ANXA11: variants seen among roughly 807,000 people sequenced by gnomAD.
ANXA11 encodes the protein annexin A11, also known as 56 kDa autoantigen.
Under a neutral mutation model 64.7 loss-of-function variants are expected in ANXA11, and 57 were observed. That is an observed-to-expected ratio of 0.88 (90% CI 0.71 to 1.10). ANXA11 has a LOEUF of 1.10. Ranked by LOEUF, ANXA11 falls within the 50% of genes least tolerant of loss-of-function variation. ANXA11 has a pLI of 0.00. For missense variants in ANXA11, 675 were observed against 670.7 expected (o/e 1.01, Z -0.07); for synonymous variants, 260 against 265.2 (o/e 0.98, Z 0.19).
chr10:80,164,030 G>A (rs1845626564), intron 9 of ANXA11, 23 bp downstream of exon 9: 3 of 1,602,428 alleles, frequency 1.9e-6, no homozygotes, highest in Non-Finnish European at 2.6e-6. Context: ...GCAGAGGGCA[G>A]AGGGCAGAGG....
intron 3 of ANXA11, among the ~76,000 whole-genome samples, chr10:80,172,408 G>C (rs1432122753): frequency 1.3e-5 from 2 of 152,178 alleles, no homozygotes; most frequent in African/African-American, 2.4e-5. Context: ...ATGCTTTGGA[G>C]GACACCGTGT....
At position 80,166,996 on chromosome 10, in the gene ANXA11, G is replaced by A. The variant is rs781678314; in HGVS notation, c.650-12C>T. On this transcript the variant is annotated splice_polypyrimidine_tract_variant and intron_variant, in intron 6 of 15. Transcript: ENST00000422982. ...CTGCTCATCCGTCCCTGGAGGAAGA[G>A]GCAGCAGGGGTGGGTCGGGTAGGGG... 2.5e-6 allele frequency: 4 copies of A among 1,579,818 alleles called. No individual in the cohort carries two copies. The South Asian group carries it at 3.4e-5, about 14-fold the overall frequency.
chr10:80,167,042 G>A lies in ANXA11; in HGVS notation c.650-58C>T, dbSNP rs1425079858. The stretch of plus-strand genomic sequence containing the variant: ...AGGGGTCATGAGATGCTCTGCAGCT[G>A]AGACTTCCCTGGCCTGGGCCCCTCA... On this transcript the variant is annotated intron_variant, in intron 6 of 15. Coordinates refer to ENST00000422982, the MANE Select transcript of ANXA11 (RefSeq NM_145868.2). The A allele has an allele frequency of 2.8e-6, 4 of 1,418,504 alleles. No homozygotes were observed. The East Asian group carries it at 7.4e-5, about 26-fold the overall frequency. 87.9% of individuals were successfully genotyped at this position (1,418,504 alleles called of 1,614,324 possible).
At chr10:80,180,284 TG>T (rs1460249827) in intron 1 of ANXA11, among the ~76,000 whole-genome samples, 1 of 152,158 alleles carries the variant, frequency 6.6e-6, no homozygotes, top group Non-Finnish European at 1.5e-5. Flanking sequence ...GGTGGAGATA[TG>T]GGCTCCAGCC....
At chr10:80,175,174 G>A (rs1002024235) in intron 2 of ANXA11, among the ~76,000 whole-genome samples, 12 of 152,176 alleles carry the variant, frequency 7.9e-5, no homozygotes, top group Non-Finnish European at 1.2e-4. Flanking sequence ...TCCCCGTCCC[G>A]GCCCCAGCCT....
rs939392271 is a variant in ANXA11, at chr10:80,150,903, G to C, written c.*4950C>G. ...CAACAAAGCTCTCTTACTAAATCCA[G>C]CTTTTATTCTTAGGTATTCACCTGA... On this transcript the variant is annotated 3_prime_UTR_variant, in exon 16 of 16. Coordinates refer to ENST00000422982, the MANE Select transcript of ANXA11 (RefSeq NM_145868.2). 10 of 152,138 alleles carry C rather than the reference G, an allele frequency of 6.6e-5. No individual in the cohort carries two copies. The highest frequency in any genetic ancestry group is 2.4e-4 in the African/African-American group (10 of 41,424). 9.4% of individuals were successfully genotyped at this position (152,138 alleles called of 1,614,324 possible).
Position 80,166,772 on chromosome 10 carries a change from C to T in ANXA11, c.744+118G>A, listed in dbSNP as rs572674726. 4.8e-4 allele frequency: 381 copies of T among 786,870 alleles called. 4 individuals are homozygous for T. The South Asian group carries it at 6.2e-3, about 13-fold the overall frequency. 48.7% of individuals were successfully genotyped at this position (786,870 alleles called of 1,614,324 possible). ...TGGATGGGCAGAAGGAAATGCCCTC[C>T]TGCTCCTTACTGTCCATCCGGGAGA... On this transcript the variant is annotated intron_variant, in intron 7 of 15. Coordinates refer to ENST00000422982, the MANE Select transcript of ANXA11 (RefSeq NM_145868.2).
At chr10:80,191,359 G>A (rs1286149036) in intron 1 of ANXA11, among the ~76,000 whole-genome samples, 1 of 152,116 alleles carries the variant, frequency 6.6e-6, no homozygotes, top group African/African-American at 2.4e-5. Context: ...CTGCACTCCG[G>A]CCTGGGTGAC....
chr10:80,194,111 A>G (rs1241715800), intron 1 of ANXA11, among the ~76,000 whole-genome samples: 1 of 152,202 alleles, frequency 6.6e-6, no homozygotes, highest in Non-Finnish European at 1.5e-5. Context: ...AAACACTAGC[A>G]GCCAGTCTGT....
At position 80,150,990 on chromosome 10, in the gene ANXA11, T is replaced by C. The variant is rs1440858053; in HGVS notation, c.*4863A>G. 6.6e-6 allele frequency: 1 copy of C among 152,202 alleles called. No homozygotes were observed. Among genetic ancestry groups the C allele is most frequent in the Non-Finnish European group, 1.5e-5 (1 of 68,030 alleles). The allele number at this position is 152,202 out of a possible 1,614,324, so 9.4% of individuals were successfully genotyped here. ...TAAATTTGAGTTTTTGCCACCTTAT[T>C]TGCTGCTTTTGTGGAAGGACAGACT... is the stretch of plus-strand genomic sequence containing the variant. On this transcript the variant is annotated 3_prime_UTR_variant, in exon 16 of 16. Coordinates refer to ENST00000422982, the MANE Select transcript of ANXA11 (RefSeq NM_145868.2).
chr10:80,167,490 T>G (rs1466199719), intron 5 of ANXA11, among the ~76,000 whole-genome samples, 177 bp from the exon 6 acceptor site: 1 of 152,212 alleles, frequency 6.6e-6, no homozygotes, highest in East Asian at 1.9e-4. Context: ...TTGACTGTTA[T>G]CTGGCCTTGT....
chr10:80,195,459 G>A (rs1209846890), intron 1 of ANXA11, among the ~76,000 whole-genome samples: 1 of 152,186 alleles, frequency 6.6e-6, no homozygotes, highest in Non-Finnish European at 1.5e-5. Context: ...CTGGGCCACT[G>A]AGGAACAGCA....
rs879245400 is a variant in ANXA11, at chr10:80,170,742, T to C, written c.171+58A>G. On this transcript the variant is annotated intron_variant, in intron 4 of 15. Transcript: ENST00000422982. Reference sequence around the variant, plus strand: ...GAGCCCCAGAGGCCAGCAGCTTTGATTCCTCTGGCCACGCAGGTGTGGCCC... The same window carrying C: ...GAGCCCCAGAGGCCAGCAGCTTTGACTCCTCTGGCCACGCAGGTGTGGCCC... 26 of 1,348,348 alleles carry C rather than the reference T, an allele frequency of 1.9e-5. No homozygotes were observed. In the South Asian group the frequency reaches 3.5e-4, roughly 18 times the overall value. 83.5% of individuals were successfully genotyped at this position (1,348,348 alleles called of 1,614,324 possible).
At chr10:80,165,939 T>C in intron 8 of ANXA11, 145 bp downstream of exon 8, 1 of 481,456 alleles carries the variant, frequency 2.1e-6, no homozygotes. Context: ...CTGGGAGCCA[T>C]ACTGACAACA....
chr10:80,160,401 C>T (rs1189263553), intron 12 of ANXA11, among the ~76,000 whole-genome samples: 5 of 152,202 alleles, frequency 3.3e-5, no homozygotes, highest in Non-Finnish European at 7.3e-5. Flanking sequence ...ACTTCCTCTA[C>T]CACCCTGTGC....
chr10:80,160,441 C>G (rs1845460124), intron 12 of ANXA11, among the ~76,000 whole-genome samples: 1 of 152,160 alleles, frequency 6.6e-6, no homozygotes, highest in Non-Finnish European at 1.5e-5. Flanking sequence ...TGGGGAGAGC[C>G]ACAGCGCCTG....
chr10:80,199,737 C>T (rs1176065368), intron 1 of ANXA11, among the ~76,000 whole-genome samples: 1 of 152,200 alleles, frequency 6.6e-6, no homozygotes, highest in African/African-American at 2.4e-5. Flanking sequence ...TTCGATAATC[C>T]TGCCTTAGCA....
At chr10:80,168,910 G>A (rs1564609667) in intron 5 of ANXA11, 59 bp downstream of exon 5, 1 of 1,442,244 alleles carries the variant, frequency 6.9e-7, no homozygotes, top group Non-Finnish European at 9.1e-7. Flanking sequence ...ACTGAGCCAT[G>A]TGTCTCCAGC....
intron 4 of ANXA11, 58 bp from the exon 5 acceptor site, chr10:80,169,416 C>T: frequency 1.3e-6 from 2 of 1,581,866 alleles, no homozygotes; most frequent in Admixed American, 3.5e-5. Context: ...TCCGTCCCTC[C>T]ACCCTTTTTC....
Sources: gnomAD v4.1 joint callset for allele counts (sites outside exome capture counted in the v4.1 genomes callset) on GRCh38, gnomAD v4.1.1 for gene constraint, MANE v1.5 for transcripts, NCBI Gene and HGNC (gene_info 2026-07-23, HGNC 2026-07-21) for gene names.